NEB: variants seen among roughly 807,000 people sequenced by gnomAD.
NEB encodes the protein nemaline myopathy type 2.
Under a neutral mutation model 952.2 loss-of-function variants are expected in NEB, and 512 were observed. That is an observed-to-expected ratio of 0.54 (90% CI 0.50 to 0.58). The LOEUF (loss-of-function observed/expected upper bound fraction) is 0.58, where lower values mean the gene tolerates loss of function less well. Ranked by LOEUF, NEB falls within the 20% of genes least tolerant of loss-of-function variation. The pLI is 0.00. For missense variants in NEB, 8,428 were observed against 9,231.1 expected, an observed-to-expected ratio of 0.91 and a Z score of 3.56; for synonymous variants, 2,900 against 3,149.8, an observed-to-expected ratio of 0.92 and a Z score of 2.66.
intron 71 of NEB, 87 bp from the exon 72 acceptor site, chr2:151,621,113 T>C (rs980352610): frequency 3.2e-6 from 3 of 929,656 alleles, no homozygotes; most frequent in African/African-American, 1.6e-5. Context: ...CACTTTTGGA[T>C]GCAAAACTAC....
At chr2:151,501,983 T>C (rs977311680) in intron 167 of NEB, among the ~76,000 whole-genome samples, 2 of 152,184 alleles carry the variant, frequency 1.3e-5, no homozygotes, top group Non-Finnish European at 2.9e-5. Context: ...CCAAGACAAG[T>C]AAATTATATT....
intron 88 of NEB, among the ~76,000 whole-genome samples, chr2:151,601,485 C>A (rs1560295146): frequency 5.2e-5 from 6 of 115,864 alleles, no homozygotes; most frequent in Admixed American, 4.5e-4. Flanking sequence ...TGGAAAAAAA[C>A]AGTATATTTC....
intron 66 of NEB, 30 bp downstream of exon 66, chr2:151,631,113 T>A (rs772954152): frequency 5.0e-6 from 8 of 1,610,466 alleles, no homozygotes; most frequent in Admixed American, 3.3e-5. Context: ...TTCTGGCATC[T>A]TGGAGAAGCT....
chr2:151,550,713 C>T (rs4233652), intron 129 of NEB, among the ~76,000 whole-genome samples: 88,885 of 151,982 alleles, frequency 0.58, 26,595 homozygotes, highest in Admixed American at 0.69. Context: ...TCACAGTTCA[C>T]TGCATCCTTG....
intron 48 of NEB, 29 bp from the exon 49 acceptor site, chr2:151,656,493 G>T: frequency 7.1e-7 from 1 of 1,415,172 alleles, no homozygotes; most frequent in South Asian, 1.8e-5. Context: ...TTTTTACACA[G>T]AGCAATTCCT....
chr2:151,706,354 T>G (rs1481885998), intron 13 of NEB, among the ~76,000 whole-genome samples: 2 of 152,206 alleles, frequency 1.3e-5, no homozygotes. Flanking sequence ...TCTCTCTCTC[T>G]CAGGCTGTTA....
At chr2:151,490,593 T>A in intron 179 of NEB, 75 bp from the exon 180 acceptor site, 1 of 1,511,036 alleles carries the variant, frequency 6.6e-7, no homozygotes, top group South Asian at 1.2e-5. Context: ...AGTGATTGAA[T>A]CTCAGTTATT....
At chr2:151,649,106 A>C (rs1268952800) in intron 54 of NEB, among the ~76,000 whole-genome samples, 1 of 152,184 alleles carries the variant, frequency 6.6e-6, no homozygotes, top group African/African-American at 2.4e-5. Context: ...AAGAAAAGAA[A>C]CTTGGATTCC....
intron 163 of NEB, chr2:151,506,494 T>TAACA (rs2068998777): frequency 2.1e-6 from 1 of 474,840 alleles, no homozygotes; most frequent in Admixed American, 3.9e-5. Flanking sequence ...TATACCATAC[T>TAACA]AACACAGGAT....
chr2:151,688,162 A>T (rs2099517422), intron 25 of NEB, 130 bp downstream of exon 25: 2 of 743,150 alleles, frequency 2.7e-6, no homozygotes, highest in South Asian at 4.0e-5. Flanking sequence ...TTGGCCTTAA[A>T]AGCTCCACTT....
At position 151,627,640 on chromosome 2, in the gene NEB, C is replaced by T; in HGVS notation, c.10026G>A (p.Lys3342=). ...CATCGCTGACTAAGGTCTGGCACTT[C>T]TTGGCTAACACCACTCCCAGCATGT... ...PVDMLGVVLA[K]KCQTLVSDVD... Residue 3342 remains lysine, a synonymous_variant, in exon 69 of 182, where the codon AAG becomes AAA. Coordinates refer to ENST00000397345, the MANE Select transcript of NEB (RefSeq NM_001164508.2). 6.2e-7 allele frequency: 1 copy of T among 1,614,010 alleles called. No homozygotes were observed. Among genetic ancestry groups the T allele is most frequent in the Non-Finnish European group, 8.5e-7 (1 of 1,179,882 alleles).
rs544775500 is a variant in NEB at position 151,546,333 on chromosome 2, A to G, written c.20466+12T>C. 6.2e-7 allele frequency: 1 copy of G among 1,604,886 alleles called. No homozygotes were observed. Among genetic ancestry groups the G allele is most frequent in the East Asian group, 2.2e-5 (1 of 44,790 alleles). On this transcript the variant is annotated intron_variant, in intron 134 of 181. Transcript: ENST00000397345. ...CGGGGGGTAATTATGCATTGTGATGATGTGCACTCACCCAGAGCTTCCGCA... is the reference window on the plus strand; with the variant it reads ...CGGGGGGTAATTATGCATTGTGATGGTGTGCACTCACCCAGAGCTTCCGCA...
At chr2:151,715,230 T>C (rs1356067497) in intron 10 of NEB, among the ~76,000 whole-genome samples, 1 of 152,216 alleles carries the variant, frequency 6.6e-6, no homozygotes, top group Non-Finnish European at 1.5e-5. Context: ...GAAGGAAACA[T>C]GTGGGAAATA....
In NEB at chr2:151,684,956, T is replaced by G. The variant is rs371105660; in HGVS notation, c.2657A>C (p.Tyr886Ser). Residue 886 changes from tyrosine (Y) to serine (S), a missense_variant, in exon 28 of 182, where the codon TAT (tyrosine) becomes TCT (serine). Around this residue, in one of 11 missense-constraint regions of NEB, gnomAD observed 2,851 missense variants for 2,791.5 expected, o/e 1.02. Transcript: ENST00000397345. ...NQSDREYRKD[Y>S]EKSKTIYTAP... is the part of the protein sequence containing the mutation. ...CGTGTAGATAGTTTTTGACTTTTCA[T>G]AATCTTTTCGATATTCGCGCTGTGA... 116 of 1,608,980 alleles carry G rather than the reference T, an allele frequency of 7.2e-5. No homozygotes were observed. Among genetic ancestry groups the G allele is most frequent in the Non-Finnish European group, 9.6e-5 (113 of 1,177,470 alleles).
rs886044641 is a variant in NEB at position 151,656,233 on chromosome 2, G to C, written c.6415C>G (p.His2139Asp). ...AGGAGGATGTACTTGTGAATCAGGTGCTTGTAGTTAGTGTTGGTGATGTTG... is the reference window on the plus strand; with the variant it reads ...AGGAGGATGTACTTGTGAATCAGGTCCTTGTAGTTAGTGTTGGTGATGTTG... ...QANITNTNYK[H>D]LIHKYILLPD... Residue 2139 changes from histidine (H) to aspartate (D), a missense_variant, in exon 49 of 182, where the codon CAC (histidine) becomes GAC (aspartate). By Grantham distance (81) the His-to-Asp change is moderately conservative. Around this residue, in one of 11 missense-constraint regions of NEB, gnomAD observed 2,851 missense variants for 2,791.5 expected, o/e 1.02. Coordinates refer to ENST00000397345, the MANE Select transcript of NEB (RefSeq NM_001164508.2). The C allele has an allele frequency of 3.7e-6, 6 of 1,613,280 alleles. No individual in the cohort carries two copies. The Admixed American group carries it at 6.7e-5, about 18-fold the overall frequency.
rs1411869048 is a variant in NEB at position 151,493,270 on chromosome 2, T to A, written c.24765+83A>T. Reference sequence around the variant, plus strand: ...TTAAAATTTTAGTGTGTTTTTCAGTTGAATGAGAAAGGCGTGTTTTTATGA... The same window carrying A: ...TTAAAATTTTAGTGTGTTTTTCAGTAGAATGAGAAAGGCGTGTTTTTATGA... On this transcript the variant is annotated intron_variant, in intron 176 of 181. Transcript: ENST00000397345. The A allele has an allele frequency of 4.7e-6, 5 of 1,064,126 alleles. No homozygotes were observed. The East Asian group carries it at 1.0e-4, about 22-fold the overall frequency. The allele number at this position is 1,064,126 out of a possible 1,614,324, so 65.9% of individuals were successfully genotyped here. A position where few individuals can be genotyped will look rare whatever the true frequency, so the allele number is the denominator to read the frequency against.
At chr2:151,673,819 C>T (rs377286332) in intron 36 of NEB, among the ~76,000 whole-genome samples, 9 of 150,582 alleles carry the variant, frequency 6.0e-5, no homozygotes, top group African/African-American at 2.2e-4. Flanking sequence ...CTGCAAGCTC[C>T]GCCTCCCGGG....
chr2:151,704,831 G>A (rs916995187), intron 13 of NEB, among the ~76,000 whole-genome samples: 2 of 152,134 alleles, frequency 1.3e-5, no homozygotes, highest in Admixed American at 6.6e-5. Context: ...TGCGTCGCTC[G>A]CTCACGCTGG....
At chr2:151,690,388 G>C (rs2099538796) in intron 24 of NEB, 1 of 210,048 alleles carries the variant, frequency 4.8e-6, no homozygotes. Flanking sequence ...GGAAATATTT[G>C]CCTTGTCCTA....
Sources: allele counts gnomAD v4.1 joint callset (sites outside exome capture counted in the v4.1 genomes callset), GRCh38; gene constraint gnomAD v4.1.1; regional missense constraint gnomAD v4.1.1; transcripts MANE v1.5; gene names NCBI Gene and HGNC (gene_info 2026-07-23, HGNC 2026-07-21).